Variants in FGF9 observed in about 807,000 individuals in gnomAD.
The protein encoded by FGF9 is fibroblast growth factor 9, also known as fibroblast growth factor 9 (glia-activating factor).
In FGF9, 3 loss-of-function variants were observed where a neutral mutation model predicts 19.9. The ratio of observed to expected loss-of-function variants is 0.15; its 90% CI spans 0.07 to 0.39. The LOEUF (loss-of-function observed/expected upper bound fraction) is 0.39, where lower values mean the gene tolerates loss of function less well. Among genes scored for constraint, FGF9 ranks in the 10% least tolerant of loss-of-function variants. FGF9 has a pLI of 1.00. For synonymous variants in FGF9, 107 were observed against 106.9 expected (o/e 1.00, Z -0.01); for missense variants, 175 against 256.8 (o/e 0.68, Z 2.18).
chr13:21,697,029 A>G (rs1035655787), intron 2 of FGF9, among the ~76,000 whole-genome samples: 1 of 152,242 alleles, frequency 6.6e-6, no homozygotes, highest in Non-Finnish European at 1.5e-5. Context: ...TGATTTTGCA[A>G]TGTCATGTTT....
chr13:21,693,736 G>A (rs978364155), intron 2 of FGF9, among the ~76,000 whole-genome samples: 1 of 152,094 alleles, frequency 6.6e-6, no homozygotes, highest in Admixed American at 6.5e-5. Context: ...CGATGCCTTC[G>A]AGGACTGTAT....
intron 1 of FGF9, among the ~76,000 whole-genome samples, chr13:21,680,679 G>A (rs1243381214): frequency 6.6e-6 from 1 of 152,164 alleles, no homozygotes; most frequent in Non-Finnish European, 1.5e-5. Flanking sequence ...GTGGATGTAG[G>A]TTGTCTTTGT....
intron 2 of FGF9, among the ~76,000 whole-genome samples, chr13:21,700,067 C>CAACAAAATAACAAATAACAAAACT (rs1406747544): frequency 2.6e-5 from 4 of 151,096 alleles, no homozygotes; most frequent in African/African-American, 7.3e-5. Flanking sequence ...GTTGTTACTG[C>CAACAAAATAACAAATAACAAAACT]CCATGAGTTT....
intron 1 of FGF9, among the ~76,000 whole-genome samples, chr13:21,677,263 C>T (rs894093651): frequency 1.3e-5 from 2 of 152,190 alleles, no homozygotes; most frequent in Non-Finnish European, 2.9e-5. Flanking sequence ...ATGTGTGTGC[C>T]ACAGTTCTAA....
intron 2 of FGF9, among the ~76,000 whole-genome samples, chr13:21,697,930 C>G (rs1286443610): frequency 6.6e-6 from 1 of 151,950 alleles, no homozygotes; most frequent in Non-Finnish European, 1.5e-5. Context: ...GCCTCAGCCT[C>G]CCGAGTAGCT....
At chr13:21,682,057 A>G (rs1208412258) in intron 2 of FGF9, among the ~76,000 whole-genome samples, 4 of 147,464 alleles carry the variant, frequency 2.7e-5, no homozygotes, top group Non-Finnish European at 5.9e-5. Context: ...TGCCCAGGCT[A>G]GAGTGCAGTG....
chr13:21,701,266 A>G lies in FGF9; in HGVS notation c.458A>G (p.Tyr153Cys). 1.9e-6 allele frequency: 3 copies of G among 1,613,988 alleles called. No individual in the cohort carries two copies. Among genetic ancestry groups the G allele is most frequent in the Non-Finnish European group, 2.5e-6 (3 of 1,179,844 alleles). The change falls in exon 3 of 3, where the codon TAT (tyrosine) becomes TGT (cysteine). Residue 153 changes from tyrosine to cysteine, a missense_variant. Tyr to Cys is a radical substitution (Grantham distance 194). Coordinates refer to ENST00000382353, the MANE Select transcript of FGF9 (RefSeq NM_002010.3). The stretch of plus-strand genomic sequence containing the variant: ...TATAATACGTACTCATCAAACCTAT[A>G]TAAGCACGTGGACACTGGAAGGCGA... ...NWYNTYSSNL[Y>C]KHVDTGRRYY...
chr13:21,681,825 C>T (rs952881175), intron 2 of FGF9, among the ~76,000 whole-genome samples: 4 of 152,112 alleles, frequency 2.6e-5, no homozygotes, highest in Non-Finnish European at 5.9e-5. Flanking sequence ...ACTAACTTTC[C>T]ATCATGGTAT....
At chr13:21,683,792 G>A (rs915018820) in intron 2 of FGF9, among the ~76,000 whole-genome samples, 8 of 152,192 alleles carry the variant, frequency 5.3e-5, no homozygotes, top group African/African-American at 1.9e-4. Context: ...CTAGTCTTCT[G>A]TCTCCAATCC....
intron 2 of FGF9, among the ~76,000 whole-genome samples, chr13:21,699,369 C>G (rs112183924): frequency 1.5e-3 from 228 of 152,334 alleles, no homozygotes; most frequent in Non-Finnish European, 2.7e-3. Flanking sequence ...TGCTTCCCCC[C>G]ATTTCAGCTC....
At chr13:21,687,910 C>G (rs575177366) in intron 2 of FGF9, among the ~76,000 whole-genome samples, 1 of 152,166 alleles carries the variant, frequency 6.6e-6, no homozygotes, top group African/African-American at 2.4e-5. Flanking sequence ...TTTCATTGAC[C>G]TGGAAAGGCA....
At chr13:21,681,882 G>A (rs769922151) in intron 2 of FGF9, among the ~76,000 whole-genome samples, 3 of 152,200 alleles carry the variant, frequency 2.0e-5, no homozygotes, top group African/African-American at 4.8e-5. Flanking sequence ...TGTGTGGTAC[G>A]CAGCAGGGAC....
At chr13:21,694,131 T>C (rs1872353076) in intron 2 of FGF9, among the ~76,000 whole-genome samples, 1 of 152,084 alleles carries the variant, frequency 6.6e-6, no homozygotes, top group Admixed American at 6.5e-5. Flanking sequence ...GAGGAGAAAA[T>C]GGAGCCCCGG....
In FGF9 at chr13:21,671,361, G is replaced by A. The variant is rs1328512333; in HGVS notation, c.-552G>A. On this transcript the variant is annotated 5_prime_UTR_variant, in exon 1 of 3. Transcript: ENST00000382353. ...GGACCGGGAGGGGAGATTTGTCGCC[G>A]CCACCAACGTGAGATTTTTTTTTCC... 4 of 393,944 alleles carry A rather than the reference G, an allele frequency of 1.0e-5. No individual in the cohort carries two copies. The highest frequency in any genetic ancestry group is 1.8e-5 in the Non-Finnish European group (4 of 223,834). The allele number at this position is 393,944 out of a possible 1,614,324, so 24.4% of individuals were successfully genotyped here.
intron 2 of FGF9, among the ~76,000 whole-genome samples, chr13:21,688,393 CTG>C (rs1185927735): frequency 6.6e-6 from 1 of 152,186 alleles, no homozygotes; most frequent in African/African-American, 2.4e-5. Flanking sequence ...TTGCCTTATG[CTG>C]TGTTTCATAT....
In FGF9 at chr13:21,702,026, AATTT is replaced by A. The variant is rs1475767572; in HGVS notation, c.*598_*601del. On this transcript the variant is annotated 3_prime_UTR_variant, in exon 3 of 3. Transcript: ENST00000382353. Reference sequence around the variant, plus strand: ...TAAAAAATAAAAATAAAAAAAGTTAAATTTATTTATAGAAATTCCAAAGGCAACA... The same window carrying A: ...TAAAAAATAAAAATAAAAAAAGTTAAATTTATAGAAATTCCAAAGGCAACA... 1 of 151,458 alleles carries A rather than the reference AATTT, an allele frequency of 6.6e-6. No individual in the cohort carries two copies. The highest frequency in any genetic ancestry group is 1.5e-5 in the Non-Finnish European group (1 of 67,882). The allele number at this position is 151,458 out of a possible 1,614,324, so 9.4% of individuals were successfully genotyped here.
intron 2 of FGF9, among the ~76,000 whole-genome samples, chr13:21,700,190 G>T (rs976983680): frequency 6.6e-6 from 1 of 152,114 alleles, no homozygotes; most frequent in Non-Finnish European, 1.5e-5. Context: ...TTGTGATCTG[G>T]ATCAATGCAC....
At chr13:21,678,811 T>A (rs1261112249) in intron 1 of FGF9, among the ~76,000 whole-genome samples, 5 of 152,258 alleles carry the variant, frequency 3.3e-5, no homozygotes, top group Non-Finnish European at 5.9e-5. Flanking sequence ...GCCAAATGTT[T>A]CCTGCATTTC....
rs1871785195 is a variant in FGF9, at chr13:21,672,212, A to G, written c.277+23A>G. 6.2e-7 allele frequency: 1 copy of G among 1,613,724 alleles called. No individual in the cohort carries two copies. The highest frequency in any genetic ancestry group is 2.2e-5 in the East Asian group (1 of 44,892). On this transcript the variant is annotated intron_variant, in intron 1 of 2. Coordinates refer to ENST00000382353, the MANE Select transcript of FGF9 (RefSeq NM_002010.3). The surrounding 1 kb of genome is among the most constrained non-coding windows in gnomAD (Gnocchi z 4.2). Reference sequence around the variant, plus strand: ...TTGGTAGGTATACCATTAACCCTTTAGTGTCCATGAGATGACATGTTGAAA... The same window carrying G: ...TTGGTAGGTATACCATTAACCCTTTGGTGTCCATGAGATGACATGTTGAAA...
Sources: allele counts gnomAD v4.1 joint callset (sites outside exome capture counted in the v4.1 genomes callset), GRCh38; gene constraint gnomAD v4.1.1; non-coding constraint Gnocchi (gnomAD v3.1); transcripts MANE v1.5; gene names NCBI Gene and HGNC (gene_info 2026-07-23, HGNC 2026-07-21).